MYO16: variants seen among roughly 807,000 people sequenced by gnomAD.
MYO16 encodes unconventional myosin-XVI.
MYO16 carries 94 observed loss-of-function variants against 205.3 expected under a neutral mutation model. The observed-to-expected ratio is 0.46, with a 90% CI of 0.39 to 0.54. The LOEUF (loss-of-function observed/expected upper bound fraction) is 0.54. MYO16 is among the 20% of genes least tolerant of loss of function. The pLI is 0.00. For synonymous variants in MYO16, 988 were observed against 954.0 expected, an observed-to-expected ratio of 1.04 and a Z score of -0.66; for missense variants, 2,315 against 2,387.5, an observed-to-expected ratio of 0.97 and a Z score of 0.63.
chr13:109,026,789 T>C (rs1886378057), intron 23 of MYO16, among the ~76,000 whole-genome samples: 1 of 152,198 alleles, frequency 6.6e-6, no homozygotes, highest in Non-Finnish European at 1.5e-5. Flanking sequence ...TGGCCTGATC[T>C]GAATTTCCTT....
intron 2 of MYO16, among the ~76,000 whole-genome samples, chr13:108,702,414 G>A (rs1343484650): frequency 2.0e-5 from 3 of 152,136 alleles, no homozygotes; most frequent in Non-Finnish European, 4.4e-5. Context: ...GTGCTAAAAA[G>A]GAAGACTGCC....
intron 33 of MYO16, among the ~76,000 whole-genome samples, chr13:109,167,660 A>G (rs1275565027): frequency 6.6e-6 from 1 of 152,194 alleles, no homozygotes; most frequent in African/African-American, 2.4e-5. Flanking sequence ...GCAAAGCCTA[A>G]GTAGGATACA....
At chr13:108,897,398 C>T (rs1313320112) in intron 14 of MYO16, among the ~76,000 whole-genome samples, 1 of 152,166 alleles carries the variant, frequency 6.6e-6, no homozygotes, top group Non-Finnish European at 1.5e-5. Context: ...ACTTGCCAGT[C>T]TGCAACAAAG....
intron 4 of MYO16, among the ~76,000 whole-genome samples, chr13:108,732,334 A>G (rs1332593083): frequency 6.6e-6 from 1 of 152,246 alleles, no homozygotes; most frequent in East Asian, 1.9e-4. Context: ...GGAAAAGCAG[A>G]TAAAACACAC....
At chr13:108,881,266 C>G (rs979727183) in intron 12 of MYO16, among the ~76,000 whole-genome samples, 1 of 152,116 alleles carries the variant, frequency 6.6e-6, no homozygotes, top group African/African-American at 2.4e-5. Context: ...GAAAGGACAT[C>G]CACACCAAAA....
At chr13:108,599,354 C>T (rs75348855) in intron 1 of MYO16, among the ~76,000 whole-genome samples, 4 of 147,042 alleles carry the variant, frequency 2.7e-5, no homozygotes, top group Non-Finnish European at 6.0e-5. Flanking sequence ...TGGGTATATA[C>T]CCAGTAATGG....
chr13:108,506,511 G>A, the MYO16 span, among the ~76,000 whole-genome samples: 19,508 of 151,586 alleles, frequency 0.13, 1,408 homozygotes, highest in East Asian at 0.23. Context: ...TGTCAATTCT[G>A]GATCCTGCAA....
intron 4 of MYO16, among the ~76,000 whole-genome samples, chr13:108,779,017 G>A (rs4771606): frequency 0.34 from 51,247 of 151,714 alleles, 9,777 homozygotes; most frequent in East Asian, 0.62. Context: ...CATAATGGCC[G>A]AGTGCCAGAG....
chr13:108,651,365 C>A (rs1194526173), intron 1 of MYO16, among the ~76,000 whole-genome samples: 1 of 152,162 alleles, frequency 6.6e-6, no homozygotes, highest in East Asian at 1.9e-4. Context: ...TTTATTATTA[C>A]CCTGAAACGA....
At chr13:108,993,514 G>A (rs1049973809) in intron 21 of MYO16, among the ~76,000 whole-genome samples, 3 of 152,130 alleles carry the variant, frequency 2.0e-5, no homozygotes, top group Non-Finnish European at 4.4e-5. Flanking sequence ...GCATCATCCT[G>A]TGTTTAGATG....
chr13:108,666,311 C>T (rs566196635), intron 2 of MYO16, among the ~76,000 whole-genome samples, 162 bp downstream of exon 2: 1 of 151,884 alleles, frequency 6.6e-6, no homozygotes, highest in South Asian at 2.1e-4. Context: ...AAAAAATGCT[C>T]TTTGCAAAGA....
At chr13:108,671,175 G>A (rs1227088939) in intron 2 of MYO16, among the ~76,000 whole-genome samples, 1 of 152,094 alleles carries the variant, frequency 6.6e-6, no homozygotes, top group Admixed American at 6.6e-5. Flanking sequence ...GAAGAGAAAG[G>A]ACTGGATAGA....
the MYO16 span, among the ~76,000 whole-genome samples, chr13:108,558,566 G>A: frequency 1.3e-5 from 2 of 152,154 alleles, no homozygotes; most frequent in Non-Finnish European, 2.9e-5. Context: ...AGTGAGGAGA[G>A]GATGAGGCCT....
chr13:108,964,281 T>C (rs551797946), intron 19 of MYO16, among the ~76,000 whole-genome samples: 1 of 152,350 alleles, frequency 6.6e-6, no homozygotes, highest in African/African-American at 2.4e-5. Context: ...TCTTTGAGAA[T>C]GACATAGAAA....
At chr13:108,734,617 A>G (rs1216811964) in intron 4 of MYO16, among the ~76,000 whole-genome samples, 6 of 152,216 alleles carry the variant, frequency 3.9e-5, no homozygotes, top group Non-Finnish European at 8.8e-5. Context: ...AAACCAGGGA[A>G]TGAACTTGGC....
chr13:108,572,525 T>C, the MYO16 span, among the ~76,000 whole-genome samples: 1 of 152,232 alleles, frequency 6.6e-6, no homozygotes, highest in South Asian at 2.1e-4. Flanking sequence ...AGTGGTCATC[T>C]AGTCCCCAGG....
intron 11 of MYO16, 60 bp downstream of exon 11, chr13:108,855,613 C>T: frequency 8.8e-7 from 1 of 1,141,906 alleles, no homozygotes; most frequent in South Asian, 1.7e-5. Flanking sequence ...TTTTTATCAC[C>T]CTTCAGTGCT....
upstream of MYO16, among the ~76,000 whole-genome samples, chr13:108,591,203 G>C (rs1322746719): frequency 2.0e-5 from 3 of 152,274 alleles, no homozygotes; most frequent in South Asian, 2.1e-4. Flanking sequence ...CCAGGAGTCT[G>C]TCCTGCAGTC....
intron 4 of MYO16, among the ~76,000 whole-genome samples, chr13:108,769,045 T>G (rs1181732097): frequency 6.6e-6 from 1 of 152,234 alleles, no homozygotes; most frequent in South Asian, 2.1e-4. Context: ...CACTTACAGT[T>G]ATTTCCTCAG....
Sources: allele counts gnomAD v4.1 joint callset (sites outside exome capture counted in the v4.1 genomes callset), GRCh38; gene constraint gnomAD v4.1.1; transcripts MANE v1.5; gene names NCBI Gene and HGNC (gene_info 2026-07-23, HGNC 2026-07-21).